The following ERCC6L2 variants were observed in gnomAD, a reference collection of about 807,000 sequenced individuals.
ERCC6L2 encodes DNA excision repair protein ERCC-6-like 2.
ERCC6L2 carries 77 observed loss-of-function variants against 132.0 expected under a neutral mutation model. The ratio of observed to expected loss-of-function variants is 0.58; its 90% CI spans 0.49 to 0.71. ERCC6L2 has a LOEUF of 0.71. ERCC6L2 is among the 30% of genes least tolerant of loss of function. The probability of loss-of-function intolerance (pLI) is 0.00; values close to 1 mark genes in which losing one functional copy is unlikely to be tolerated. For missense variants in ERCC6L2, 1,542 were observed against 1,837.6 expected, an observed-to-expected ratio of 0.84 and a Z score of 2.94; for synonymous variants, 583 against 632.4, an observed-to-expected ratio of 0.92 and a Z score of 1.17.
At chr9:95,890,817 C>T (rs1180033038) in intron 2 of ERCC6L2, among the ~76,000 whole-genome samples, 1 of 152,078 alleles carries the variant, frequency 6.6e-6, no homozygotes, top group Non-Finnish European at 1.5e-5. Flanking sequence ...TACAGATGCG[C>T]ACTACCAGGC....
intron 3 of ERCC6L2, among the ~76,000 whole-genome samples, chr9:95,899,939 A>G (rs1232762993): frequency 2.0e-5 from 3 of 152,208 alleles, no homozygotes; most frequent in Non-Finnish European, 4.4e-5. Flanking sequence ...TTCAATTTGT[A>G]GTTAGTTGAA....
intron 20 of ERCC6L2, among the ~76,000 whole-genome samples, chr9:96,040,233 TC>T (rs143456978): frequency 0.1 from 15,324 of 151,802 alleles, 853 homozygotes; most frequent in African/African-American, 0.13. Flanking sequence ...TCTGCACTCT[TC>T]CTGCTCATGT....
Position 95,972,678 on chromosome 9 carries a change from C to CCAGTGATAT in ERCC6L2, c.2935_2943dup (p.Ile979_Asp981dup). ...AAATCTATTTTGAAAAGAAAAGGCA[C>CCAGTGATAT]CAGTGATATCAGTGATGAATCTGAT... On this transcript the variant is annotated inframe_insertion, in exon 16 of 19. Coordinates refer to ENST00000653738, the MANE Select transcript of ERCC6L2 (RefSeq NM_020207.7). 7.7e-7 allele frequency: 1 copy of CCAGTGATAT among 1,299,586 alleles called. No homozygotes were observed. The highest frequency in any genetic ancestry group is 1.0e-6 in the Non-Finnish European group (1 of 988,880). The allele number at this position is 1,299,586 out of a possible 1,614,324, so 80.5% of individuals were successfully genotyped here.
intron 19 of ERCC6L2, among the ~76,000 whole-genome samples, chr9:96,036,187 C>T (rs1179773772): frequency 2.0e-5 from 3 of 152,142 alleles, no homozygotes; most frequent in African/African-American, 7.2e-5. Flanking sequence ...ACCCATTTAA[C>T]AGCATCTCCC....
At chr9:95,970,070 G>A (rs1409739294) in intron 14 of ERCC6L2, among the ~76,000 whole-genome samples, 1 of 151,974 alleles carries the variant, frequency 6.6e-6, no homozygotes, top group African/African-American at 2.4e-5. Context: ...TTCATATTAG[G>A]GTGGACCTTT....
intron 9 of ERCC6L2, among the ~76,000 whole-genome samples, chr9:95,924,341 C>G (rs1830011151): frequency 1.3e-5 from 2 of 151,840 alleles, no homozygotes; most frequent in South Asian, 4.2e-4. Context: ...GCATTAAAAA[C>G]TTGCTTTTAA....
rs1315727742 is a variant in ERCC6L2 at position 96,013,921 on chromosome 9, G to T, written c.*718G>T. On this transcript the variant is annotated 3_prime_UTR_variant, in exon 19 of 19. Transcript: ENST00000653738. ...CTATTGTGATTTAATGTAAATAAAG[G>T]TTTGTATAGTACTTTTGTAGTTCTT... 6.6e-6 allele frequency: 1 copy of T among 152,122 alleles called. No homozygotes were observed. The highest frequency in any genetic ancestry group is 1.5e-5 in the Non-Finnish European group (1 of 68,006). 9.4% of individuals were successfully genotyped at this position (152,122 alleles called of 1,614,324 possible).
chr9:96,003,206 A>G (rs926151978), intron 17 of ERCC6L2, among the ~76,000 whole-genome samples: 2 of 152,084 alleles, frequency 1.3e-5, no homozygotes, highest in African/African-American at 4.8e-5. Flanking sequence ...TCATGATGGT[A>G]GGTTTTATAT....
intron 2 of ERCC6L2, among the ~76,000 whole-genome samples, chr9:95,886,008 G>A (rs1031320530): frequency 1.3e-5 from 2 of 151,902 alleles, no homozygotes; most frequent in African/African-American, 2.4e-5. Context: ...AATCTTTTTT[G>A]TTGTTGTTCT....
At chr9:96,003,704 T>G (rs1184228013) in intron 17 of ERCC6L2, among the ~76,000 whole-genome samples, 1 of 152,244 alleles carries the variant, frequency 6.6e-6, no homozygotes, top group East Asian at 1.9e-4. Flanking sequence ...CTGCTGAGCT[T>G]CAGCTCCCAC....
At chr9:95,916,553 T>C (rs1829601726) in intron 6 of ERCC6L2, 119 bp downstream of exon 6, 1 of 779,632 alleles carries the variant, frequency 1.3e-6, no homozygotes, top group South Asian at 2.7e-5. Context: ...TTATTCTGTA[T>C]GGAAAAAATT....
At chr9:95,878,969 G>A (rs1214995937) in intron 1 of ERCC6L2, among the ~76,000 whole-genome samples, 1 of 152,104 alleles carries the variant, frequency 6.6e-6, no homozygotes, top group Admixed American at 6.6e-5. Context: ...AAACATACGT[G>A]TGCATGTGTC....
chr9:95,923,420 C>T (rs1292441619), intron 9 of ERCC6L2, 41 bp downstream of exon 9: 1 of 1,603,934 alleles, frequency 6.2e-7, no homozygotes, highest in South Asian at 1.1e-5. Context: ...ACATGATACA[C>T]AAAATATTTA....
chr9:95,881,495 G>A (rs1012448105), intron 2 of ERCC6L2, among the ~76,000 whole-genome samples: 4 of 152,094 alleles, frequency 2.6e-5, no homozygotes, highest in Non-Finnish European at 5.9e-5. Context: ...CAGTACCTAT[G>A]AAATATTTTA....
chr9:95,960,213 A>C (rs1042715802), intron 13 of ERCC6L2, among the ~76,000 whole-genome samples: 11 of 152,234 alleles, frequency 7.2e-5, no homozygotes, highest in African/African-American at 2.6e-4. Context: ...ACTTTATTTC[A>C]GATAAGCACT....
At chr9:95,954,888 G>A (rs1183377256) in intron 12 of ERCC6L2, 1 of 471,030 alleles carries the variant, frequency 2.1e-6, no homozygotes. Flanking sequence ...GATCCAAGAT[G>A]TCCTCGAGTA....
intron 12 of ERCC6L2, among the ~76,000 whole-genome samples, chr9:95,942,964 G>C (rs1830874080): frequency 6.6e-6 from 1 of 152,126 alleles, no homozygotes; most frequent in Admixed American, 6.5e-5. Flanking sequence ...ATGAGAATCA[G>C]ACTCAATTCA....
intron 19 of ERCC6L2, among the ~76,000 whole-genome samples, chr9:96,029,303 C>CAAAAAAAAAAA (rs201014094): frequency 2.4e-5 from 2 of 81,776 alleles, no homozygotes; most frequent in African/African-American, 3.9e-5. Flanking sequence ...GACTCCGTCT[C>CAAAAAAAAAAA]AAAAAAAAAA....
At chr9:95,892,347 T>C (rs1828215474) in intron 2 of ERCC6L2, among the ~76,000 whole-genome samples, 1 of 151,958 alleles carries the variant, frequency 6.6e-6, no homozygotes, top group Non-Finnish European at 1.5e-5. Flanking sequence ...AGTGAATATC[T>C]GTAGGATAGA....
Sources: allele counts gnomAD v4.1 joint callset (sites outside exome capture counted in the v4.1 genomes callset), GRCh38; gene constraint gnomAD v4.1.1; transcripts MANE v1.5; gene names NCBI Gene and HGNC (gene_info 2026-07-23, HGNC 2026-07-21).